NMNAT2: variants seen among roughly 807,000 people sequenced by gnomAD.
NMNAT2 encodes the protein nicotinamide nucleotide adenylyltransferase 2.
NMNAT2 carries 11 observed loss-of-function variants against 41.6 expected under a neutral mutation model. That is an observed-to-expected ratio of 0.26 (90% confidence interval 0.17 to 0.44). The LOEUF (loss-of-function observed/expected upper bound fraction) is 0.44. NMNAT2 is among the 20% of genes least tolerant of loss of function. The pLI, the probability that NMNAT2 is intolerant of heterozygous loss-of-function variation, is 1.00. For missense variants in NMNAT2, 288 were observed against 407.7 expected, an observed-to-expected ratio of 0.71 and a Z score of 2.53; for synonymous variants, 148 against 151.2, an observed-to-expected ratio of 0.98 and a Z score of 0.16.
intron 1 of NMNAT2, among the ~76,000 whole-genome samples, chr1:183,377,449 C>T (rs1330385539): frequency 1.3e-5 from 2 of 151,954 alleles, no homozygotes; most frequent in African/African-American, 4.8e-5. Context: ...TTAGAAGTCA[C>T]GCAGAGTACA....
chr1:183,327,617 C>T (rs769604922), intron 1 of NMNAT2, among the ~76,000 whole-genome samples: 19 of 152,158 alleles, frequency 1.2e-4, no homozygotes, highest in Admixed American at 2.6e-4. Flanking sequence ...TCGTTTCCAA[C>T]GGAGTGGTGG....
chr1:183,303,543 T>G (rs940213360), intron 1 of NMNAT2, among the ~76,000 whole-genome samples: 22 of 152,234 alleles, frequency 1.4e-4, no homozygotes, highest in African/African-American at 5.3e-4. Flanking sequence ...CACAGAATTT[T>G]TGACTCTAAG....
At chr1:183,400,205 T>C (rs923103144) in intron 1 of NMNAT2, among the ~76,000 whole-genome samples, 2 of 152,208 alleles carry the variant, frequency 1.3e-5, no homozygotes, top group South Asian at 2.1e-4. Flanking sequence ...GATAAGCAAC[T>C]TCAGCAAAGT....
chr1:183,385,583 C>T (rs1648212467), intron 1 of NMNAT2, among the ~76,000 whole-genome samples: 1 of 151,986 alleles, frequency 6.6e-6, no homozygotes, highest in South Asian at 2.1e-4. Flanking sequence ...GTGATATAAA[C>T]AGACAGAGCC....
intron 1 of NMNAT2, among the ~76,000 whole-genome samples, chr1:183,395,666 G>A (rs1336702073): frequency 6.6e-6 from 1 of 152,110 alleles, no homozygotes; most frequent in Non-Finnish European, 1.5e-5. Context: ...AGAATCAAGA[G>A]GTCCAAGGAG....
At chr1:183,385,425 C>A (rs1648198097) in intron 1 of NMNAT2, among the ~76,000 whole-genome samples, 1 of 152,128 alleles carries the variant, frequency 6.6e-6, no homozygotes, top group Admixed American at 6.6e-5. Context: ...CTAAATACAC[C>A]TATGGAAGAT....
intron 1 of NMNAT2, among the ~76,000 whole-genome samples, chr1:183,374,006 T>C (rs1453285698): frequency 2.6e-5 from 4 of 152,238 alleles, no homozygotes; most frequent in Non-Finnish European, 5.9e-5. Flanking sequence ...ACATTTTGTA[T>C]ATTATTTCAT....
chr1:183,357,392 G>C (rs566147536), intron 1 of NMNAT2, among the ~76,000 whole-genome samples: 2 of 151,912 alleles, frequency 1.3e-5, no homozygotes, highest in African/African-American at 4.8e-5. Flanking sequence ...ACCACGCCCG[G>C]CTAATTTTTT....
At chr1:183,314,422 A>G (rs1662196085) in intron 1 of NMNAT2, among the ~76,000 whole-genome samples, 1 of 152,188 alleles carries the variant, frequency 6.6e-6, no homozygotes, top group South Asian at 2.1e-4. Context: ...TGCCACTGTA[A>G]TAAGTTTGAT....
rs773449832 is a variant in NMNAT2 at position 183,292,782 on chromosome 1, A to G, written c.242+8T>C. On this transcript the variant is annotated splice_region_variant and intron_variant, in intron 3 of 10. Coordinates refer to ENST00000287713, the MANE Select transcript of NMNAT2 (RefSeq NM_015039.4). ...CCACTGCCTCTGGCATCTTCAGGCCAGTCCTACCTGATCCAATCAGAATTC... is the reference window on the plus strand; with the variant it reads ...CCACTGCCTCTGGCATCTTCAGGCCGGTCCTACCTGATCCAATCAGAATTC... 16 of 1,613,334 alleles carry G rather than the reference A, an allele frequency of 9.9e-6. No homozygotes were observed. The East Asian group carries it at 3.6e-4, about 36-fold the overall frequency.
At chr1:183,403,496 C>G (rs1648874977) in intron 1 of NMNAT2, among the ~76,000 whole-genome samples, 1 of 151,492 alleles carries the variant, frequency 6.6e-6, no homozygotes, top group Non-Finnish European at 1.5e-5. Context: ...GGGGAGCCCC[C>G]ACTCGGGAGA....
At chr1:183,401,633 C>G (rs890074185) in intron 1 of NMNAT2, among the ~76,000 whole-genome samples, 1 of 151,750 alleles carries the variant, frequency 6.6e-6, no homozygotes, top group African/African-American at 2.4e-5. Context: ...TATTGTGGCA[C>G]TATTCACAAT....
chr1:183,261,179 C>A (rs1660647741), intron 9 of NMNAT2, 23 bp downstream of exon 9: 2 of 1,609,838 alleles, frequency 1.2e-6, no homozygotes, highest in East Asian at 2.2e-5. Flanking sequence ...AACACAGATG[C>A]ACTAGCAGGA....
chr1:183,389,128 C>G (rs998784), intron 1 of NMNAT2, among the ~76,000 whole-genome samples: 37,993 of 152,064 alleles, frequency 0.25, 4,748 homozygotes, highest in South Asian at 0.29. Flanking sequence ...GCCAGCTCCT[C>G]GCCTGCCAGC....
At chr1:183,334,982 G>C (rs1662654411) in intron 1 of NMNAT2, among the ~76,000 whole-genome samples, 1 of 152,158 alleles carries the variant, frequency 6.6e-6, no homozygotes, top group African/African-American at 2.4e-5. Flanking sequence ...AGGAACTGGA[G>C]CACAACTTGG....
intron 1 of NMNAT2, among the ~76,000 whole-genome samples, chr1:183,373,481 G>A (rs1663597060): frequency 1.3e-5 from 2 of 152,158 alleles, no homozygotes; most frequent in South Asian, 4.1e-4. Flanking sequence ...GACTCCTTCT[G>A]TAATAGCCAC....
At chr1:183,412,206 A>T (rs1273070001) in intron 1 of NMNAT2, among the ~76,000 whole-genome samples, 5 of 152,104 alleles carry the variant, frequency 3.3e-5, no homozygotes, top group Admixed American at 3.3e-4. Context: ...TTACATTTTG[A>T]AAGGATCACT....
intron 1 of NMNAT2, among the ~76,000 whole-genome samples, chr1:183,336,642 A>C (rs1359455370): frequency 6.6e-6 from 1 of 152,192 alleles, no homozygotes; most frequent in Non-Finnish European, 1.5e-5. Flanking sequence ...CACTTTGGAA[A>C]ACCATGCAGT....
At chr1:183,276,981 A>T (rs1661137971) in intron 8 of NMNAT2, among the ~76,000 whole-genome samples, 1 of 152,210 alleles carries the variant, frequency 6.6e-6, no homozygotes. Flanking sequence ...ACAGCATGTT[A>T]GCATTTATGC....
Sources: gnomAD v4.1 joint callset for allele counts (sites outside exome capture counted in the v4.1 genomes callset) on GRCh38, gnomAD v4.1.1 for gene constraint, MANE v1.5 for transcripts, NCBI Gene and HGNC (gene_info 2026-07-23, HGNC 2026-07-21) for gene names.